SCN8A: variants seen among roughly 807,000 people sequenced by gnomAD.
The protein encoded by SCN8A is sodium channel protein type 8 subunit alpha.
Under a neutral mutation model 184.1 loss-of-function variants are expected in SCN8A, and 30 were observed. The ratio of observed to expected loss-of-function variants is 0.16; its 90% CI spans 0.12 to 0.22. The LOEUF (loss-of-function observed/expected upper bound fraction) is 0.22. SCN8A is among the 10% of genes least tolerant of loss of function. The pLI, the probability that SCN8A is intolerant of heterozygous loss-of-function variation, is 1.00. For missense variants in SCN8A, 1,057 were observed against 2,498.9 expected (o/e 0.42, Z 12.30); for synonymous variants, 852 against 907.0 (o/e 0.94, Z 1.09).
intron 2 of SCN8A, among the ~76,000 whole-genome samples, chr12:51,668,592 G>C (rs1395710091): frequency 4.6e-5 from 7 of 152,076 alleles, no homozygotes; most frequent in African/African-American, 1.4e-4. Flanking sequence ...TTTTAGGACA[G>C]GTCCTAAAAA....
chr12:51,612,508 T>C (rs557937396), intron 1 of SCN8A, among the ~76,000 whole-genome samples: 1 of 152,342 alleles, frequency 6.6e-6, no homozygotes, highest in East Asian at 1.9e-4. Context: ...TAAGTTCCCT[T>C]CTATTCCTAG....
At chr12:51,725,448 GA>G (rs1330227325) in intron 12 of SCN8A, among the ~76,000 whole-genome samples, 1 of 152,104 alleles carries the variant, frequency 6.6e-6, no homozygotes, top group Non-Finnish European at 1.5e-5. Context: ...TTTCTGTAGT[GA>G]GCATAATGAT....
intron 1 of SCN8A, among the ~76,000 whole-genome samples, chr12:51,648,727 C>G (rs1286134530): frequency 1.3e-5 from 2 of 152,190 alleles, no homozygotes; most frequent in Non-Finnish European, 2.9e-5. Flanking sequence ...CACCAGGTCC[C>G]TCCCACAACA....
intron 5 of SCN8A, among the ~76,000 whole-genome samples, chr12:51,687,526 T>G (rs1162216066): frequency 6.6e-6 from 1 of 152,204 alleles, no homozygotes; most frequent in East Asian, 1.9e-4. Context: ...GATCACGGTT[T>G]GCACACCTAT....
rs993275140 is a variant in SCN8A, at chr12:51,808,839, A to C, written c.*1410A>C. ...CTGCATGGCTCCCCCTGCCTCCATC[A>C]CATTTCTCCACTGAGCAGGGCTTCC... On this transcript the variant is annotated 3_prime_UTR_variant, in exon 27 of 27. Transcript: ENST00000627620. 6.6e-5 allele frequency: 10 copies of C among 152,148 alleles called. No homozygotes were observed. Among genetic ancestry groups the C allele is most frequent in the African/African-American group, 2.4e-4 (10 of 41,412 alleles). The allele number at this position is 152,148 out of a possible 1,614,324, so 9.4% of individuals were successfully genotyped here. A position where few individuals can be genotyped will look rare whatever the true frequency, so the allele number is the denominator to read the frequency against.
intron 25 of SCN8A, among the ~76,000 whole-genome samples, chr12:51,793,300 A>G (rs527701615): frequency 1.3e-5 from 2 of 152,174 alleles, no homozygotes; most frequent in Non-Finnish European, 2.9e-5. Flanking sequence ...GATGATGCCC[A>G]GATTCCTGGC....
At chr12:51,757,494 A>G (rs1158573000) in intron 14 of SCN8A, among the ~76,000 whole-genome samples, 2 of 152,182 alleles carry the variant, frequency 1.3e-5, no homozygotes, top group Non-Finnish European at 2.9e-5. Context: ...TGCAAATGCA[A>G]TGAGGGCTGA....
At chr12:51,617,689 G>T (rs1350255368) in intron 1 of SCN8A, among the ~76,000 whole-genome samples, 1 of 152,164 alleles carries the variant, frequency 6.6e-6, no homozygotes, top group Non-Finnish European at 1.5e-5. Flanking sequence ...CAAATTGTTA[G>T]AAGACTTTGG....
intron 1 of SCN8A, among the ~76,000 whole-genome samples, chr12:51,605,455 C>T (rs748080555): frequency 3.9e-5 from 6 of 152,130 alleles, no homozygotes; most frequent in Non-Finnish European, 8.8e-5. Flanking sequence ...AGTAGTATTC[C>T]ATCATATATA....
chr12:51,768,055 C>G (rs1271989836), intron 16 of SCN8A: 2 of 152,190 alleles, frequency 1.3e-5, no homozygotes, highest in Non-Finnish European at 2.9e-5. Flanking sequence ...TCCACCCTCC[C>G]ACTCTGCACA....
At chr12:51,618,548 C>G (rs1177100208) in intron 1 of SCN8A, among the ~76,000 whole-genome samples, 2 of 151,480 alleles carry the variant, frequency 1.3e-5, no homozygotes, top group Non-Finnish European at 2.9e-5. Flanking sequence ...TTTTGTGATA[C>G]TTTGAATTGT....
At chr12:51,766,963 A>G (rs866108488) in intron 16 of SCN8A, among the ~76,000 whole-genome samples, 8 of 152,204 alleles carry the variant, frequency 5.3e-5, no homozygotes, top group Admixed American at 1.3e-4. Context: ...GTCCCTTAAC[A>G]TGCTCATCCA....
intron 1 of SCN8A, among the ~76,000 whole-genome samples, chr12:51,617,453 C>CT (rs970482739): frequency 5.9e-5 from 9 of 152,030 alleles, no homozygotes; most frequent in Non-Finnish European, 1.3e-4. Flanking sequence ...CCATTTGGTT[C>CT]TTTTTTAAAA....
intron 2 of SCN8A, among the ~76,000 whole-genome samples, chr12:51,666,808 T>C (rs1176577467): frequency 6.6e-6 from 1 of 152,204 alleles, no homozygotes; most frequent in Non-Finnish European, 1.5e-5. Context: ...CTAAAAGTTG[T>C]GCACCACGTT....
At chr12:51,755,967 C>T (rs1942667573) in intron 14 of SCN8A, among the ~76,000 whole-genome samples, 1 of 151,918 alleles carries the variant, frequency 6.6e-6, no homozygotes, top group African/African-American at 2.4e-5. Context: ...CCTTCAGCAC[C>T]CGAGCCGTGT....
At chr12:51,609,248 C>T (rs1225524533) in intron 1 of SCN8A, among the ~76,000 whole-genome samples, 2 of 152,142 alleles carry the variant, frequency 1.3e-5, no homozygotes, top group Admixed American at 1.3e-4. Context: ...TCTGTTAAGT[C>T]CATTTATTCC....
chr12:51,637,900 C>G (rs971429807), intron 1 of SCN8A, among the ~76,000 whole-genome samples: 2 of 152,140 alleles, frequency 1.3e-5, no homozygotes, highest in African/African-American at 4.8e-5. Flanking sequence ...GAGGAGAAGT[C>G]AATTCCTGGC....
chr12:51,644,576 G>A (rs1470322121), intron 1 of SCN8A, among the ~76,000 whole-genome samples: 21 of 152,258 alleles, frequency 1.4e-4, no homozygotes, highest in African/African-American at 2.6e-4. Flanking sequence ...GCGTGATCTC[G>A]GCTCGCTACA....
chr12:51,738,690 T>G (rs1448324464), intron 12 of SCN8A, among the ~76,000 whole-genome samples: 1 of 152,224 alleles, frequency 6.6e-6, no homozygotes, highest in Non-Finnish European at 1.5e-5. Flanking sequence ...CAGAAGTAGA[T>G]ATAACAATTT....
Sources: allele counts gnomAD v4.1 joint callset (sites outside exome capture counted in the v4.1 genomes callset), GRCh38; gene constraint gnomAD v4.1.1; transcripts MANE v1.5; gene names NCBI Gene and HGNC (gene_info 2026-07-23, HGNC 2026-07-21).